Variants in DTD1 observed in about 807,000 individuals in gnomAD.
DTD1 encodes the protein D-aminoacyl-tRNA deacylase 1, also known as D-tyrosyl-tRNA deacylase 1 homolog.
In DTD1, 13 loss-of-function variants were observed where a neutral mutation model predicts 25.6. The ratio of observed to expected loss-of-function variants is 0.51; its 90% CI spans 0.33 to 0.81. The LOEUF is 0.81. Ranked by LOEUF, DTD1 falls within the 30% of genes least tolerant of loss-of-function variation. The pLI, the probability that DTD1 is intolerant of heterozygous loss-of-function variation, is 0.02. For missense variants in DTD1, 193 were observed against 266.4 expected (o/e 0.72, Z 1.92); for synonymous variants, 110 against 103.6 (o/e 1.06, Z -0.37).
chr20:18,678,988 G>A (rs1230056782), intron 4 of DTD1: 3 of 152,124 alleles, frequency 2.0e-5, no homozygotes, highest in African/African-American at 7.2e-5. Context: ...GGCTTATTAG[G>A]AGTGGAAGAA....
rs1348168395 is a variant in DTD1, at chr20:18,603,744, A to G, written c.370+7503A>G. Among the ~76,000 whole-genome samples, 3 of 131,734 alleles carry G rather than the reference A, an allele frequency of 2.3e-5. 1 individual carries two copies. Among genetic ancestry groups the G allele is most frequent in the Non-Finnish European group, 4.9e-5 (3 of 60,790 alleles). The allele number at this position is 131,734 out of a possible 152,430, so 86.4% of individuals were successfully genotyped here. On this transcript the variant is annotated intron_variant, in intron 3 of 5. Coordinates refer to ENST00000377452, the MANE Select transcript of DTD1 (RefSeq NM_080820.6). Reference sequence around the variant, plus strand: ...AAACCAACGAGAACAAAGACACAATATACCAGAATCTCTGGGACGCATTCA... The same window carrying G: ...AAACCAACGAGAACAAAGACACAATGTACCAGAATCTCTGGGACGCATTCA...
At chr20:18,606,918 A>G (rs1472818760) in intron 3 of DTD1, among the ~76,000 whole-genome samples, 1 of 150,126 alleles carries the variant, frequency 6.7e-6, no homozygotes, top group Non-Finnish European at 1.5e-5. Context: ...CCTAAAACTT[A>G]AAGTATAATA....
intron 3 of DTD1, among the ~76,000 whole-genome samples, chr20:18,608,967 A>G (rs1366171600): frequency 2.0e-5 from 3 of 152,282 alleles, no homozygotes; most frequent in African/African-American, 7.2e-5. Context: ...ACTGGAAAAC[A>G]CATTCATAGG....
At chr20:18,687,743 T>C (rs1241732354) in intron 4 of DTD1, among the ~76,000 whole-genome samples, 1 of 152,086 alleles carries the variant, frequency 6.6e-6, no homozygotes, top group Non-Finnish European at 1.5e-5. Context: ...GGGGTCTCAC[T>C]ATGTTGCCAA....
chr20:18,710,604 G>A (rs530093131), intron 4 of DTD1, among the ~76,000 whole-genome samples: 1 of 152,270 alleles, frequency 6.6e-6, no homozygotes, highest in South Asian at 2.1e-4. Flanking sequence ...ATGTAAAAGT[G>A]AACACCTTAA....
chr20:18,656,219 T>C (rs1374907546), intron 4 of DTD1, among the ~76,000 whole-genome samples: 1 of 152,258 alleles, frequency 6.6e-6, no homozygotes, highest in East Asian at 1.9e-4. Context: ...TCTCTACAAA[T>C]ATTTTATTGT....
intron 4 of DTD1, among the ~76,000 whole-genome samples, chr20:18,688,609 T>C (rs1568669517): frequency 6.6e-6 from 1 of 152,138 alleles, no homozygotes; most frequent in Non-Finnish European, 1.5e-5. Context: ...GGGCATAAAC[T>C]ATTACCTTTT....
intron 3 of DTD1, among the ~76,000 whole-genome samples, chr20:18,613,897 G>A (rs186195081): frequency 2.3e-4 from 35 of 152,224 alleles, no homozygotes; most frequent in African/African-American, 3.9e-4. Flanking sequence ...GTTGCCCCTC[G>A]TTGAATATTG....
chr20:18,662,211 C>A (rs6045546), intron 4 of DTD1, among the ~76,000 whole-genome samples: 1 of 152,104 alleles, frequency 6.6e-6, no homozygotes, highest in Non-Finnish European at 1.5e-5. Flanking sequence ...ATGCAAGTTA[C>A]AAGCTCCCAT....
intron 4 of DTD1, among the ~76,000 whole-genome samples, chr20:18,739,651 T>C (rs1161246556): frequency 2.0e-5 from 3 of 152,234 alleles, no homozygotes; most frequent in East Asian, 1.9e-4. Context: ...CTCCTTGACA[T>C]GCATCTCCTC....
chr20:18,618,553 T>A (rs899371153), intron 3 of DTD1, among the ~76,000 whole-genome samples: 3 of 149,800 alleles, frequency 2.0e-5, no homozygotes, highest in African/African-American at 7.3e-5. Flanking sequence ...TATGAACACA[T>A]CTATAATACA....
intron 5 of DTD1, among the ~76,000 whole-genome samples, chr20:18,755,265 T>C (rs1206693619): frequency 1.3e-5 from 2 of 152,200 alleles, no homozygotes; most frequent in Non-Finnish European, 2.9e-5. Flanking sequence ...TATCATTCTA[T>C]GATTATTATT....
chr20:18,684,888 G>T (rs1372239888), intron 4 of DTD1, among the ~76,000 whole-genome samples: 1 of 151,780 alleles, frequency 6.6e-6, no homozygotes, highest in Non-Finnish European at 1.5e-5. Context: ...GCCCCACTAA[G>T]GCACAGTTTT....
chr20:18,690,085 G>C (rs374702717), intron 4 of DTD1, among the ~76,000 whole-genome samples: 1 of 148,188 alleles, frequency 6.7e-6, no homozygotes, highest in African/African-American at 2.5e-5. Flanking sequence ...GCAATGAGCT[G>C]TGATCACACC....
intron 4 of DTD1, among the ~76,000 whole-genome samples, chr20:18,682,740 G>A (rs1239396231): frequency 5.9e-5 from 9 of 152,184 alleles, no homozygotes; most frequent in Non-Finnish European, 2.9e-5. Context: ...TGGCCCAAGC[G>A]AGCACACCCA....
chr20:18,631,974 G>T, intron 4 of DTD1: 1 of 907,160 alleles, frequency 1.1e-6, no homozygotes, highest in Non-Finnish European at 1.3e-6. Context: ...AAGATCTAAT[G>T]TACACCATAA....
At chr20:18,727,376 T>A (rs897169401) in intron 4 of DTD1, among the ~76,000 whole-genome samples, 8 of 152,000 alleles carry the variant, frequency 5.3e-5, no homozygotes, top group Non-Finnish European at 4.4e-5. Flanking sequence ...GGGTTTAGAA[T>A]TCCTGGAGGG....
intron 5 of DTD1, among the ~76,000 whole-genome samples, chr20:18,756,851 A>T (rs1364911541): frequency 1.3e-5 from 2 of 151,884 alleles, no homozygotes; most frequent in African/African-American, 2.4e-5. Context: ...ATCTATAAAT[A>T]ACCTTGGGCA....
chr20:18,668,919 G>A (rs1329170104), intron 4 of DTD1, among the ~76,000 whole-genome samples: 1 of 152,170 alleles, frequency 6.6e-6, no homozygotes, highest in Non-Finnish European at 1.5e-5. Context: ...CTTGCTTTCA[G>A]AAATGTGTTT....
Sources: allele counts gnomAD v4.1 joint callset (sites outside exome capture counted in the v4.1 genomes callset), GRCh38; gene constraint gnomAD v4.1.1; transcripts MANE v1.5; gene names NCBI Gene and HGNC (gene_info 2026-07-23, HGNC 2026-07-21).